Variants in DROSHA observed in about 807,000 individuals in gnomAD.
The protein encoded by DROSHA is drosha ribonuclease III, also known as ribonuclease 3.
Under a neutral mutation model 181.9 loss-of-function variants are expected in DROSHA, and 56 were observed. The observed-to-expected ratio is 0.31, with a 90% CI of 0.25 to 0.38. The LOEUF (loss-of-function observed/expected upper bound fraction) is 0.38, where lower values mean the gene tolerates loss of function less well. Ranked by LOEUF, DROSHA falls within the 10% of genes least tolerant of loss-of-function variation. DROSHA has a pLI of 1.00. For missense variants in DROSHA, 1,218 were observed against 1,743.5 expected (o/e 0.70, Z 5.37); for synonymous variants, 524 against 591.2 (o/e 0.89, Z 1.65).
intron 4 of DROSHA, 80 bp from the exon 5 acceptor site, chr5:31,526,992 G>T: frequency 7.5e-7 from 1 of 1,334,490 alleles, no homozygotes; most frequent in South Asian, 1.4e-5. Flanking sequence ...ATAAATGCCT[G>T]ACCATCTTGA....
rs1196872143 is a variant in DROSHA at position 31,526,890 on chromosome 5, C to T, written c.43G>A (p.Gly15Arg). 6.2e-7 allele frequency: 1 copy of T among 1,612,610 alleles called. No homozygotes were observed. The highest frequency in any genetic ancestry group is 8.5e-7 in the Non-Finnish European group (1 of 1,179,732). The change falls in exon 5 of 36, where the codon GGA becomes AGA. Residue 15 changes from glycine to arginine, a missense_variant. By Grantham distance (125) the Gly-to-Arg change is moderately radical. Transcript: ENST00000344624. ...NTCHRMSFHP[G>R]RGCPRGRGGH... Reference sequence around the variant, plus strand: ...CCTCGTCCTCGGGGACACCCTCGTCCCGGGTGGAACGACATTCTGTGACTT... The same window carrying T: ...CCTCGTCCTCGGGGACACCCTCGTCTCGGGTGGAACGACATTCTGTGACTT...
chr5:31,455,159 G>A (rs1747498685), intron 20 of DROSHA, among the ~76,000 whole-genome samples: 1 of 151,480 alleles, frequency 6.6e-6, no homozygotes, highest in South Asian at 2.1e-4. Flanking sequence ...AAACAAGAAG[G>A]AACACAAAAT....
chr5:31,492,826 A>G (rs538146113), intron 13 of DROSHA, among the ~76,000 whole-genome samples: 2 of 152,358 alleles, frequency 1.3e-5, no homozygotes, highest in African/African-American at 4.8e-5. Context: ...CGTTCTGAAT[A>G]AGCTCTGTTT....
rs1202817302 is a variant in DROSHA, at chr5:31,400,557, C to CT, written c.*874dup. On this transcript the variant is annotated 3_prime_UTR_variant, in exon 36 of 36. Coordinates refer to ENST00000344624, the MANE Select transcript of DROSHA (RefSeq NM_001382508.1). The stretch of plus-strand genomic sequence containing the variant: ...ACCAGTGATGTTTAGTTTGGAATAA[C>CT]TTTTTTTAAAATGTTATGTCTTTGA... The CT allele has an allele frequency of 3.3e-5, 5 of 152,186 alleles. No homozygotes were observed. The highest frequency in any genetic ancestry group is 6.5e-5 in the Admixed American group (1 of 15,286). 9.4% of individuals were successfully genotyped at this position (152,186 alleles called of 1,614,324 possible). A position where few individuals can be genotyped will look rare whatever the true frequency, so the allele number is the denominator to read the frequency against.
intron 21 of DROSHA, among the ~76,000 whole-genome samples, chr5:31,450,050 C>A (rs182896333): frequency 6.6e-6 from 1 of 151,982 alleles, no homozygotes. Flanking sequence ...AAATGGCCAA[C>A]AAACATGAAA....
chr5:31,433,548 CT>C (rs1358788554), intron 25 of DROSHA, among the ~76,000 whole-genome samples: 4 of 150,030 alleles, frequency 2.7e-5, no homozygotes, highest in South Asian at 4.2e-4. Context: ...AGCACAACTT[CT>C]TTTTTTTTTC....
chr5:31,429,324 TA>T, intron 27 of DROSHA, 150 bp downstream of exon 27: 1 of 608,724 alleles, frequency 1.6e-6, no homozygotes, highest in Non-Finnish European at 2.6e-6. Context: ...AAGAGTTGAA[TA>T]AGCCATTTTG....
At chr5:31,519,951 AAG>A (rs1222107262) in intron 6 of DROSHA, among the ~76,000 whole-genome samples, 1 of 152,184 alleles carries the variant, frequency 6.6e-6, no homozygotes, top group East Asian at 1.9e-4. Context: ...CCATATTTGT[AAG>A]AGAGATTGCT....
At chr5:31,507,950 A>G (rs1561271369) in intron 10 of DROSHA, among the ~76,000 whole-genome samples, 1 of 152,210 alleles carries the variant, frequency 6.6e-6, no homozygotes, top group Non-Finnish European at 1.5e-5. Flanking sequence ...ACCAGGAGAA[A>G]AGCATTTTAA....
At chr5:31,472,782 A>G (rs1360197066) in intron 16 of DROSHA, among the ~76,000 whole-genome samples, 1 of 152,236 alleles carries the variant, frequency 6.6e-6, no homozygotes, top group African/African-American at 2.4e-5. Context: ...GCCTGTGCTA[A>G]TATCATGGAA....
At chr5:31,488,931 G>A (rs1302534873) in intron 13 of DROSHA, 2 of 152,224 alleles carry the variant, frequency 1.3e-5, no homozygotes, top group African/African-American at 4.8e-5. Flanking sequence ...TGGGTTTCTG[G>A]CGTAAGTGAC....
chr5:31,493,937 T>TGTGTGTGTGTGTGTGTGTGTGTG (rs1554041127), intron 12 of DROSHA, among the ~76,000 whole-genome samples: 1 of 144,720 alleles, frequency 6.9e-6, no homozygotes, highest in Non-Finnish European at 1.5e-5. Flanking sequence ...TAACCCACCA[T>TGTGTGTGTGTGTGTGTGTGTGTG]TGTGTGTGTG....
At chr5:31,405,787 T>C in intron 34 of DROSHA, 64 bp from the exon 35 acceptor site, 1 of 1,204,584 alleles carries the variant, frequency 8.3e-7, no homozygotes, top group Admixed American at 3.2e-5. Context: ...TTTTTTTTTT[T>C]TTTTCAAAAA....
intron 11 of DROSHA, among the ~76,000 whole-genome samples, chr5:31,500,135 G>T (rs545663098): frequency 6.6e-6 from 1 of 152,298 alleles, no homozygotes; most frequent in Admixed American, 6.5e-5. Context: ...GGAAGAACCT[G>T]CAAGGCAACA....
chr5:31,487,152 A>G (rs1751879157), intron 13 of DROSHA, among the ~76,000 whole-genome samples: 1 of 152,218 alleles, frequency 6.6e-6, no homozygotes, highest in African/African-American at 2.4e-5. Flanking sequence ...CCATCACAAC[A>G]TCCCTATAAC....
chr5:31,530,912 C>G lies in DROSHA; in HGVS notation c.-161G>C, dbSNP rs758538145. ...GTCATTTCTGTATCCTTCACATCCCCGGGAAAAGCAACCTACACACAGTAG... is the reference window on the plus strand; with the variant it reads ...GTCATTTCTGTATCCTTCACATCCCGGGGAAAAGCAACCTACACACAGTAG... On this transcript the variant is annotated 5_prime_UTR_variant, in exon 3 of 36. Transcript: ENST00000344624. The G allele has an allele frequency of 7.5e-6, 3 of 398,526 alleles. No homozygotes were observed. The highest frequency in any genetic ancestry group is 8.8e-6 in the Non-Finnish European group (2 of 226,040). The allele number at this position is 398,526 out of a possible 1,614,324, so 24.7% of individuals were successfully genotyped here. A position where few individuals can be genotyped will look rare whatever the true frequency, so the allele number is the denominator to read the frequency against.
At chr5:31,528,442 T>C (rs1302951337) in intron 4 of DROSHA, among the ~76,000 whole-genome samples, 2 of 152,142 alleles carry the variant, frequency 1.3e-5, no homozygotes, top group Non-Finnish European at 2.9e-5. Context: ...CCATTAATAG[T>C]CCTTAAGACA....
chr5:31,454,162 A>G (rs970707275), intron 20 of DROSHA, among the ~76,000 whole-genome samples: 8 of 152,190 alleles, frequency 5.3e-5, no homozygotes, highest in Non-Finnish European at 1.0e-4. Flanking sequence ...GTTCACCGCA[A>G]ATAACCCAAA....
rs1323459332 is a variant in DROSHA, at chr5:31,514,327, G to GA, written c.1290+660dup. Among the ~76,000 whole-genome samples the GA allele has an allele frequency of 6.6e-6, 1 of 151,670 alleles. No individual in the cohort carries two copies. Among genetic ancestry groups the GA allele is most frequent in the Non-Finnish European group, 1.5e-5 (1 of 67,990 alleles). ...GAAAGCTTATGAAACCACCAGTACT[G>GA]AGACTACCAGTATCATTAAAAATGT... is the stretch of plus-strand genomic sequence containing the variant. On this transcript the variant is annotated intron_variant, in intron 8 of 35. Transcript: ENST00000344624. This position sits in a 1 kb window ranked among gnomAD's most constrained non-coding sequence, Gnocchi z 4.4.
Sources: allele counts gnomAD v4.1 joint callset (sites outside exome capture counted in the v4.1 genomes callset), GRCh38; gene constraint gnomAD v4.1.1; non-coding constraint Gnocchi (gnomAD v3.1); transcripts MANE v1.5; gene names NCBI Gene and HGNC (gene_info 2026-07-23, HGNC 2026-07-21).